The following CEP162 variants were observed in gnomAD, a reference collection of about 807,000 sequenced individuals.
CEP162 encodes centrosomal protein 162.
In CEP162, 141 loss-of-function variants were observed where a neutral mutation model predicts 169.2. That is an observed-to-expected ratio of 0.83 (90% CI 0.73 to 0.96). The LOEUF is 0.96. Among genes scored for constraint, CEP162 ranks in the 40% least tolerant of loss-of-function variants. The pLI is 0.00. For missense variants in CEP162, 1,600 were observed against 1,587.2 expected, an observed-to-expected ratio of 1.01 and a Z score of -0.14; for synonymous variants, 540 against 526.4, an observed-to-expected ratio of 1.03 and a Z score of -0.35.
In CEP162 at chr6:84,124,616, C is replaced by T. The variant is rs2099508190; in HGVS notation, c.*454G>A. On this transcript the variant is annotated 3_prime_UTR_variant, in exon 27 of 27. Coordinates refer to ENST00000403245, the MANE Select transcript of CEP162 (RefSeq NM_014895.4). Reference sequence around the variant, plus strand: ...AGCGGCAGTAAGCGTTGAAAAATTACCTGTTGGGTACAGTGTTTAATATTT... The same window carrying T: ...AGCGGCAGTAAGCGTTGAAAAATTATCTGTTGGGTACAGTGTTTAATATTT... The T allele has an allele frequency of 5.6e-6, 1 of 179,160 alleles. No individual in the cohort carries two copies. Among genetic ancestry groups the T allele is most frequent in the African/African-American group, 2.4e-5 (1 of 41,440 alleles). 11.1% of individuals were successfully genotyped at this position (179,160 alleles called of 1,614,324 possible).
intron 17 of CEP162, among the ~76,000 whole-genome samples, chr6:84,171,186 C>T (rs2099529971): frequency 6.6e-6 from 1 of 152,188 alleles, no homozygotes; most frequent in African/African-American, 2.4e-5. Context: ...CCTCCACCAT[C>T]TCAGGCTCTG....
At chr6:84,216,884 T>C (rs1465274078) in intron 3 of CEP162, among the ~76,000 whole-genome samples, 1 of 152,198 alleles carries the variant, frequency 6.6e-6, no homozygotes, top group Non-Finnish European at 1.5e-5. Context: ...TATGTGGTAC[T>C]TATGTATATG....
chr6:84,155,730 G>A (rs892937472), intron 21 of CEP162: 4 of 497,956 alleles, frequency 8.0e-6, no homozygotes, highest in Non-Finnish European at 1.1e-5. Flanking sequence ...AAAGAAAACC[G>A]TGACACAAAC....
At chr6:84,210,154 C>T (rs910651640) in intron 6 of CEP162, among the ~76,000 whole-genome samples, 2 of 152,148 alleles carry the variant, frequency 1.3e-5, no homozygotes, top group African/African-American at 4.8e-5. Context: ...GTAGATGTTA[C>T]ATATTCAAGT....
At chr6:84,153,352 C>A (rs2099521861) in intron 22 of CEP162, among the ~76,000 whole-genome samples, 173 bp from the exon 23 acceptor site, 1 of 152,174 alleles carries the variant, frequency 6.6e-6, no homozygotes, top group Non-Finnish European at 1.5e-5. Context: ...CCTAGTCTTT[C>A]AGGGCATAAC....
intron 7 of CEP162, among the ~76,000 whole-genome samples, chr6:84,202,984 C>A (rs1192571395): frequency 6.6e-6 from 1 of 152,130 alleles, no homozygotes; most frequent in African/African-American, 2.4e-5. Flanking sequence ...CGTTTTCATT[C>A]ATGTTAAAAA....
intron 25 of CEP162, among the ~76,000 whole-genome samples, chr6:84,133,305 G>A (rs2099512398): frequency 6.6e-6 from 1 of 152,236 alleles, no homozygotes; most frequent in East Asian, 1.9e-4. Context: ...CTACTCAAGT[G>A]TCAGGGACCC....
chr6:84,194,764 T>G, intron 10 of CEP162, 120 bp downstream of exon 10: 1 of 860,526 alleles, frequency 1.2e-6, no homozygotes, highest in Non-Finnish European at 1.7e-6. Flanking sequence ...AAAAATTTCT[T>G]TAATTAAGCT....
At chr6:84,133,241 C>G (rs1384378725) in intron 25 of CEP162, among the ~76,000 whole-genome samples, 1 of 152,112 alleles carries the variant, frequency 6.6e-6, no homozygotes, top group African/African-American at 2.4e-5. Flanking sequence ...CAGAGGGGCA[C>G]CCGGCTGTAT....
intron 18 of CEP162, among the ~76,000 whole-genome samples, chr6:84,165,401 C>T (rs1443895560): frequency 6.6e-6 from 1 of 151,888 alleles, no homozygotes; most frequent in African/African-American, 2.4e-5. Flanking sequence ...TGCCCCATTC[C>T]TCTGCTTGAC....
intron 25 of CEP162, among the ~76,000 whole-genome samples, chr6:84,135,120 A>G (rs1366808956): frequency 6.6e-6 from 1 of 150,790 alleles, no homozygotes; most frequent in Admixed American, 6.6e-5. Flanking sequence ...GCAAAATATA[A>G]CTAGGTAGTG....
Position 84,215,295 on chromosome 6 carries a change from T to G in CEP162, c.490A>C (p.Lys164Gln). 1 of 1,571,062 alleles carries G rather than the reference T, an allele frequency of 6.4e-7. No homozygotes were observed. The highest frequency in any genetic ancestry group is 1.8e-5 in the Admixed American group (1 of 55,684). ...ACTGTACTTTACCTATGTAAAGCTT[T>G]AAAATGTGTAGAGTCATTAGAATCC... ...ELDSNDSTHF[K>Q]ALHSNQANAE... Residue 164 changes from lysine (K) to glutamine (Q), a missense_variant, in exon 5 of 27, where the codon AAA becomes CAA. Physicochemically the swap from Lys to Gln is moderately conservative, Grantham distance 53 (BLOSUM62 1). Coordinates refer to ENST00000403245, the MANE Select transcript of CEP162 (RefSeq NM_014895.4).
intron 3 of CEP162, among the ~76,000 whole-genome samples, chr6:84,218,756 T>C (rs924746050): frequency 2.3e-4 from 35 of 152,214 alleles, no homozygotes; most frequent in Non-Finnish European, 5.9e-5. Flanking sequence ...ATGGTTTTAC[T>C]GGATCAAATA....
intron 6 of CEP162, among the ~76,000 whole-genome samples, chr6:84,208,279 T>C (rs2099548085): frequency 6.6e-6 from 1 of 152,070 alleles, no homozygotes; most frequent in African/African-American, 2.4e-5. Flanking sequence ...TTGGCCAGGA[T>C]CTCTTCCTCA....
intron 9 of CEP162, among the ~76,000 whole-genome samples, chr6:84,198,310 C>G (rs931048377): frequency 1.3e-5 from 2 of 151,922 alleles, no homozygotes; most frequent in African/African-American, 4.8e-5. Context: ...TGGAGTCTTA[C>G]TCCATCACCC....
rs917388820 is a variant in CEP162, at chr6:84,196,194, G to T, written c.836-1119C>A. 4.6e-5 allele frequency among the ~76,000 whole-genome samples: 7 copies of T among 152,076 alleles called. 1 individual carries two copies. Among genetic ancestry groups the T allele is most frequent in the African/African-American group, 1.4e-4 (6 of 41,400 alleles). On this transcript the variant is annotated intron_variant, in intron 9 of 26. Transcript: ENST00000403245. ...GGGAGGTGATAGAATTATGGGGGTG[G>T]GTCTTTTCTGTGTTGTTCTCATGAT...
At chr6:84,197,642 G>A (rs1007925042) in intron 9 of CEP162, among the ~76,000 whole-genome samples, 3 of 151,612 alleles carry the variant, frequency 2.0e-5, no homozygotes, top group African/African-American at 4.8e-5. Flanking sequence ...GTGAAACCTC[G>A]TCTCCACTAA....
At chr6:84,141,220 C>A (rs1402295002) in intron 25 of CEP162, among the ~76,000 whole-genome samples, 1 of 151,346 alleles carries the variant, frequency 6.6e-6, no homozygotes, top group Non-Finnish European at 1.5e-5. Flanking sequence ...ATGGGTATAC[C>A]TTTAAAGATT....
At chr6:84,216,888 GTA>G (rs2099551772) in intron 3 of CEP162, among the ~76,000 whole-genome samples, 1 of 152,110 alleles carries the variant, frequency 6.6e-6, no homozygotes, top group Admixed American at 6.5e-5. Context: ...TGGTACTTAT[GTA>G]TATGTTTGAA....
Sources: gnomAD v4.1 joint callset for allele counts (sites outside exome capture counted in the v4.1 genomes callset) on GRCh38, gnomAD v4.1.1 for gene constraint, MANE v1.5 for transcripts, NCBI Gene and HGNC (gene_info 2026-07-23, HGNC 2026-07-21) for gene names.